ASXL2: variants seen among roughly 807,000 people sequenced by gnomAD.
The protein encoded by ASXL2 is putative Polycomb group protein ASXL2.
Under a neutral mutation model 122.0 loss-of-function variants are expected in ASXL2, and 23 were observed. The observed-to-expected ratio is 0.19, with a 90% confidence interval of 0.14 to 0.27. The LOEUF is 0.27. ASXL2 is among the 10% of genes least tolerant of loss of function. ASXL2 has a pLI of 1.00. For synonymous variants in ASXL2, 650 were observed against 637.0 expected (o/e 1.02, Z -0.31); for missense variants, 1,518 against 1,713.8 (o/e 0.89, Z 2.02).
At chr2:25,768,088 A>T (rs929134791) in intron 7 of ASXL2, among the ~76,000 whole-genome samples, 1 of 152,152 alleles carries the variant, frequency 6.6e-6, no homozygotes, top group African/African-American at 2.4e-5. Flanking sequence ...ACAACAAAAG[A>T]TCCAAAGGCC....
intron 11 of ASXL2, among the ~76,000 whole-genome samples, chr2:25,753,255 C>T (rs141932837): frequency 1.3e-3 from 195 of 151,718 alleles, no homozygotes; most frequent in African/African-American, 4.2e-3. Flanking sequence ...TGAGCCACTG[C>T]GCCCAGCTAA....
chr2:25,825,167 A>G (rs752786870), intron 3 of ASXL2, among the ~76,000 whole-genome samples: 1 of 152,200 alleles, frequency 6.6e-6, no homozygotes, highest in Non-Finnish European at 1.5e-5. Flanking sequence ...CCTTCCTGAA[A>G]AAGTTAAAGG....
At position 25,806,353 on chromosome 2, in the gene ASXL2, G is replaced by C. The variant is rs759259906; in HGVS notation, c.144-16C>G. 3.2e-6 allele frequency: 5 copies of C among 1,558,812 alleles called. No individual in the cohort carries two copies. ...AGAAGTCCCACTGCAAAACAAAGAA[G>C]AGATGTGATAAGGAACACAACAATT... On this transcript the variant is annotated splice_polypyrimidine_tract_variant and intron_variant, in intron 3 of 12. Transcript: ENST00000435504.
In ASXL2 at chr2:25,744,410, G is replaced by A. The variant is rs769006435; in HGVS notation, c.1927C>T (p.Pro643Ser). The A allele has an allele frequency of 3.7e-6, 6 of 1,613,572 alleles. No homozygotes were observed. The South Asian group carries it at 6.6e-5, about 18-fold the overall frequency. The change falls in exon 13 of 13, where the codon CCA (proline) becomes TCA (serine). Residue 643 changes from proline (P) to serine (S), a missense_variant. Transcript: ENST00000435504. The surrounding 1 kb of genome is among the most constrained non-coding windows in gnomAD (Gnocchi z 4.7). The part of the protein sequence containing the change: ...PSQVSPRARF[P>S]VSITSPNRTG... The stretch of plus-strand genomic sequence containing the variant: ...CTGTTAGGACTAGTGATGGAGACTG[G>A]AAAACGAGCCCTGGGAGAGACCTGC...
intron 3 of ASXL2, among the ~76,000 whole-genome samples, chr2:25,817,305 T>C (rs1459712769): frequency 3.3e-5 from 5 of 152,150 alleles, no homozygotes; most frequent in African/African-American, 1.2e-4. Context: ...GAAACGTAAA[T>C]GTTTTCTACT....
In ASXL2 at chr2:25,734,057, T is replaced by G. The variant is rs890879806; in HGVS notation, c.*7972A>C. 9.4e-5 allele frequency: 13 copies of G among 138,738 alleles called. No individual in the cohort carries two copies. Among genetic ancestry groups the G allele is most frequent in the Admixed American group, 2.8e-4 (4 of 14,128 alleles). The allele number at this position is 138,738 out of a possible 1,614,324, so 8.6% of individuals were successfully genotyped here. ...ATGCAGTCACAGAATTAAGACAGGT[T>G]TTTTTTTTTTAAAAAAAATAGGTCA... is the stretch of plus-strand genomic sequence containing the variant. On this transcript the variant is annotated 3_prime_UTR_variant, in exon 13 of 13. Transcript: ENST00000435504.
chr2:25,759,771 G>A, intron 8 of ASXL2, 126 bp from the exon 9 acceptor site: 1 of 964,414 alleles, frequency 1.0e-6, no homozygotes, highest in Non-Finnish European at 1.5e-6. Context: ...TACGAAGAAG[G>A]TAACACTTAA....
intron 9 of ASXL2, among the ~76,000 whole-genome samples, chr2:25,758,315 G>C (rs2088175845): frequency 6.6e-6 from 1 of 152,104 alleles, no homozygotes; most frequent in African/African-American, 2.4e-5. Context: ...CTCTTACTAC[G>C]AACAAGAGAG....
At chr2:25,757,921 C>CA (rs10524530) in intron 9 of ASXL2, among the ~76,000 whole-genome samples, 62 of 127,342 alleles carry the variant, frequency 4.9e-4, no homozygotes, top group South Asian at 1.5e-3. Context: ...GAGTCTTTAA[C>CA]AAAAAAAAAA....
rs942266921 is a variant in ASXL2 at position 25,833,499 on chromosome 2, G to A, written c.143+2039C>T. ...CACTTGAGGCCAGGAGTTTGAGATC[G>A]GCCTGACCAACACAGTGAAACCCCA... On this transcript the variant is annotated intron_variant, in intron 3 of 12. Transcript: ENST00000435504. Among the ~76,000 whole-genome samples, 5 of 151,888 alleles carry A rather than the reference G, an allele frequency of 3.3e-5. No individual in the cohort carries two copies. The South Asian group carries it at 6.2e-4, about 19-fold the overall frequency.
rs115804154 is a variant in ASXL2, at chr2:25,766,697, A to G, written c.775+886T>C. 2.3e-3 allele frequency among the ~76,000 whole-genome samples: 346 copies of G among 152,294 alleles called. 2 individuals are homozygous for G. Among genetic ancestry groups the G allele is most frequent in the African/African-American group, 8.0e-3 (332 of 41,558 alleles). ...AGTAGCATTTTGGAAGCCAAGGAGG[A>G]GAATCCCTATTCAGTATTTACAGTA... is the stretch of plus-strand genomic sequence containing the variant. On this transcript the variant is annotated intron_variant, in intron 8 of 12. Transcript: ENST00000435504.
intron 12 of ASXL2, among the ~76,000 whole-genome samples, chr2:25,745,711 T>G (rs2087930824): frequency 7.2e-6 from 1 of 139,308 alleles, no homozygotes. Flanking sequence ...TGGCAGAATC[T>G]CAGCTCACTG....
intron 3 of ASXL2, among the ~76,000 whole-genome samples, chr2:25,833,745 T>C (rs2089479905): frequency 6.6e-6 from 1 of 151,862 alleles, no homozygotes; most frequent in Non-Finnish European, 1.5e-5. Context: ...CCTCCCCTAC[T>C]GGAAATAGTC....
chr2:25,768,535 C>A (rs2088391762), intron 7 of ASXL2, among the ~76,000 whole-genome samples: 1 of 152,140 alleles, frequency 6.6e-6, no homozygotes, highest in South Asian at 2.1e-4. Context: ...AACTCCTGGG[C>A]TCTGAGTTAT....
chr2:25,775,683 C>T (rs920330863), intron 5 of ASXL2, among the ~76,000 whole-genome samples: 7 of 152,074 alleles, frequency 4.6e-5, no homozygotes, highest in Non-Finnish European at 8.8e-5. Flanking sequence ...CTGAGGCCTC[C>T]CCAGCCATGT....
chr2:25,806,323 AGAG>A lies in ASXL2; in HGVS notation c.155_157del (p.Pro52del). The A allele has an allele frequency of 6.2e-7, 1 of 1,611,490 alleles. No homozygotes were observed. The highest frequency in any genetic ancestry group is 8.5e-7 in the Non-Finnish European group (1 of 1,178,558). On this transcript the variant is annotated inframe_deletion, in exon 4 of 13. Coordinates refer to ENST00000435504, the MANE Select transcript of ASXL2 (RefSeq NM_018263.6). ...GTGAAGCATTGCATTCAGGCATGCA[AGAG>A]GAGAAGTCCCACTGCAAAACAAAGA... is the stretch of plus-strand genomic sequence containing the variant.
chr2:25,865,042 C>T (rs1376652290), intron 1 of ASXL2, among the ~76,000 whole-genome samples: 2 of 148,152 alleles, frequency 1.3e-5, no homozygotes, highest in Non-Finnish European at 3.0e-5. Flanking sequence ...AGCTTGGTCT[C>T]GAACTCCTGA....
At chr2:25,834,419 A>T (rs2089485941) in intron 3 of ASXL2, among the ~76,000 whole-genome samples, 1 of 152,126 alleles carries the variant, frequency 6.6e-6, no homozygotes, top group Admixed American at 6.5e-5. Context: ...CATAACACAA[A>T]ACAAAATATA....
intron 5 of ASXL2, among the ~76,000 whole-genome samples, chr2:25,783,129 A>AAAAT (rs1306155197): frequency 5.9e-5 from 9 of 152,156 alleles, no homozygotes; most frequent in Non-Finnish European, 1.0e-4. Flanking sequence ...ACTCTGTCTC[A>AAAAT]AAATAAATAA....
Sources: gnomAD v4.1 joint callset for allele counts (sites outside exome capture counted in the v4.1 genomes callset) on GRCh38, gnomAD v4.1.1 for gene constraint, Gnocchi (gnomAD v3.1) non-coding constraint, MANE v1.5 for transcripts, NCBI Gene and HGNC (gene_info 2026-07-23, HGNC 2026-07-21) for gene names.